The following RERGL variants were observed in gnomAD, a reference collection of about 807,000 sequenced individuals.
RERGL encodes RERG like.
A neutral mutation model predicts 24.7 loss-of-function variants in RERGL; 22 were observed. The ratio of observed to expected loss-of-function variants is 0.89; its 90% CI spans 0.64 to 1.27. The LOEUF is 1.27. Among genes scored for constraint, RERGL ranks in the 50% most tolerant of loss-of-function variants. RERGL has a pLI of 0.00. For synonymous variants in RERGL, 76 were observed against 82.6 expected, an observed-to-expected ratio of 0.92 and a Z score of 0.43; for missense variants, 259 against 235.3, an observed-to-expected ratio of 1.10 and a Z score of -0.66.
Position 18,081,100 on chromosome 12 carries a change from C to CAA in RERGL, c.*89_*90dup. The CAA allele has an allele frequency of 6.0e-6, 7 of 1,157,990 alleles. No homozygotes were observed. Among genetic ancestry groups the CAA allele is most frequent in the Non-Finnish European group, 8.3e-6 (7 of 839,300 alleles). 71.7% of individuals were successfully genotyped at this position (1,157,990 alleles called of 1,614,324 possible). On this transcript the variant is annotated 3_prime_UTR_variant, in exon 5 of 5. Transcript: ENST00000538724. ...ATATCTCCAAGAGAATTCTTTTTAC[C>CAA]AAAAAAAAATTGCATACAAAGGTTA... is the stretch of plus-strand genomic sequence containing the variant.
chr12:18,082,289 A>C (rs1453271842), intron 4 of RERGL, among the ~76,000 whole-genome samples: 1 of 152,186 alleles, frequency 6.6e-6, no homozygotes, highest in Non-Finnish European at 1.5e-5. Flanking sequence ...TGATGAGAAC[A>C]TATGGACACA....
chr12:18,086,459 T>C (rs1301290837), intron 2 of RERGL, among the ~76,000 whole-genome samples: 3 of 152,196 alleles, frequency 2.0e-5, no homozygotes, highest in Non-Finnish European at 2.9e-5. Context: ...TATTATGACT[T>C]AATGGTTAAT....
chr12:18,089,959 G>T, intron 1 of RERGL, 130 bp downstream of exon 1: 1 of 603,812 alleles, frequency 1.7e-6, no homozygotes. Context: ...TCATCCCAGT[G>T]AGATAATGTT....
intron 1 of RERGL, chr12:18,089,234 GT>G: frequency 6.2e-7 from 1 of 1,607,792 alleles, no homozygotes; most frequent in South Asian, 1.1e-5. Context: ...CTTACCTTTT[GT>G]AACAGAAACA....
chr12:18,086,834 A>T (rs1297711509), intron 2 of RERGL, among the ~76,000 whole-genome samples: 1 of 152,244 alleles, frequency 6.6e-6, no homozygotes, highest in East Asian at 1.9e-4. Context: ...GAACATCTCC[A>T]TTTAGATACT....
At chr12:18,089,214 CAT>C (rs752848475) in intron 1 of RERGL, 1 of 1,602,574 alleles carries the variant, frequency 6.2e-7, no homozygotes, top group Non-Finnish European at 8.5e-7. Context: ...ACCACAAAAA[CAT>C]AAGGCCACTT....
At chr12:18,089,940 A>G (rs1454679118) in intron 1 of RERGL, 149 bp downstream of exon 1, 1 of 515,882 alleles carries the variant, frequency 1.9e-6, no homozygotes, top group Non-Finnish European at 3.1e-6. Context: ...ATGAAAGATA[A>G]TGTGCCTATC....
Position 18,089,504 on chromosome 12 carries a change from T to TG in RERGL, c.53-549dup, listed in dbSNP as rs1565488020. 3 of 560,566 alleles carry TG rather than the reference T, an allele frequency of 5.4e-6. No homozygotes were observed. The African/African-American group carries it at 5.9e-5, about 11-fold the overall frequency. The allele number at this position is 560,566 out of a possible 1,614,324, so 34.7% of individuals were successfully genotyped here. A position where few individuals can be genotyped will look rare whatever the true frequency, so the allele number is the denominator to read the frequency against. ...GGCTCAAGTGACCCTATTGGTAGCA[T>TG]GTCACCATTATAATGTGACCGAAAC... is the stretch of plus-strand genomic sequence containing the variant. On this transcript the variant is annotated intron_variant, in intron 1 of 4. Transcript: ENST00000538724.
At chr12:18,084,816 C>T (rs557852841) in intron 3 of RERGL, 151 bp from the exon 4 acceptor site, 1 of 535,410 alleles carries the variant, frequency 1.9e-6, no homozygotes, top group African/African-American at 2.0e-5. Context: ...CTGTTTCTCT[C>T]TTATTGCTTT....
chr12:18,089,280 A>G (rs1288443193), intron 1 of RERGL: 1 of 1,604,674 alleles, frequency 6.2e-7, no homozygotes, highest in Non-Finnish European at 8.5e-7. Context: ...AAGAAGTTTG[A>G]CATCTGTTTA....
intron 2 of RERGL, among the ~76,000 whole-genome samples, chr12:18,087,699 A>G (rs934828981): frequency 3.9e-5 from 6 of 152,162 alleles, no homozygotes; most frequent in Non-Finnish European, 8.8e-5. Flanking sequence ...ATTATATCAA[A>G]GTTTAAGTTG....
chr12:18,089,466 C>A, intron 1 of RERGL: 1 of 959,588 alleles, frequency 1.0e-6, no homozygotes, highest in South Asian at 2.9e-5. Context: ...AGTTAAGATG[C>A]TATGATTCTT....
chr12:18,088,141 T>C (rs1947237344), intron 2 of RERGL, among the ~76,000 whole-genome samples: 1 of 152,124 alleles, frequency 6.6e-6, no homozygotes, highest in Non-Finnish European at 1.5e-5. Flanking sequence ...TCAATTTTTG[T>C]ATTTTCTGTA....
chr12:18,081,374 G>GT lies in RERGL; in HGVS notation c.431dup (p.Asn144LysfsTer7). 1 of 1,614,094 alleles carries GT rather than the reference G, an allele frequency of 6.2e-7. No individual in the cohort carries two copies. Among genetic ancestry groups the GT allele is most frequent in the Non-Finnish European group, 8.5e-7 (1 of 1,180,002 alleles). On this transcript the variant is annotated frameshift_variant, in exon 5 of 5. Coordinates refer to ENST00000538724, the MANE Select transcript of RERGL (RefSeq NM_001286201.2). LOFTEE classifies it high-confidence loss of function. ...CAGACAGTTCACAGAATTGGCATCG[G>GT]TTTTCCAGTGCCAGCTTTTGCCCTT...
intron 2 of RERGL, among the ~76,000 whole-genome samples, chr12:18,088,462 AGGC>A (rs1169769142): frequency 6.6e-6 from 1 of 152,096 alleles, no homozygotes; most frequent in African/African-American, 2.4e-5. Flanking sequence ...TATTTAATCA[AGGC>A]ATAATTTTCC....
At chr12:18,089,954 C>A in intron 1 of RERGL, 135 bp downstream of exon 1, 1 of 573,206 alleles carries the variant, frequency 1.7e-6, no homozygotes, top group East Asian at 3.2e-5. Context: ...GCCTATCATC[C>A]CAGTGAGATA....
chr12:18,088,347 T>A (rs932167957), intron 2 of RERGL, among the ~76,000 whole-genome samples: 3 of 152,036 alleles, frequency 2.0e-5, no homozygotes, highest in Non-Finnish European at 2.9e-5. Context: ...AAAACAGAAA[T>A]TTATAGAAGA....
chr12:18,085,302 A>C (rs1226010788), intron 3 of RERGL, among the ~76,000 whole-genome samples: 2 of 152,180 alleles, frequency 1.3e-5, no homozygotes, highest in African/African-American at 4.8e-5. Flanking sequence ...ATAAGAAGTG[A>C]ATTGATAAGT....
chr12:18,089,448 G>A (rs1947249926), intron 1 of RERGL: 2 of 1,152,122 alleles, frequency 1.7e-6, no homozygotes, highest in Middle Eastern at 3.1e-4. Context: ...CAGCTCCTGG[G>A]TTTGGCCAGT....
Sources: gnomAD v4.1 joint callset for allele counts (sites outside exome capture counted in the v4.1 genomes callset) on GRCh38, gnomAD v4.1.1 for gene constraint, MANE v1.5 for transcripts, NCBI Gene and HGNC (gene_info 2026-07-23, HGNC 2026-07-21) for gene names.